LYPD6B: variants seen among roughly 807,000 people sequenced by gnomAD.
LYPD6B encodes the protein LY6/PLAUR domain containing 6B.
LYPD6B carries 17 observed loss-of-function variants against 22.8 expected under a neutral mutation model. The ratio of observed to expected loss-of-function variants is 0.75; its 90% CI spans 0.51 to 1.12. LYPD6B has a LOEUF of 1.12. Ranked by LOEUF, LYPD6B falls within the 50% of genes most tolerant of loss-of-function variation. The probability of loss-of-function intolerance (pLI) is 0.00; values close to 1 mark genes in which losing one functional copy is unlikely to be tolerated. For synonymous variants in LYPD6B, 106 were observed against 91.6 expected (o/e 1.16, Z -0.90); for missense variants, 221 against 258.3 (o/e 0.86, Z 0.99).
At chr2:149,061,721 C>T (rs1459579392) in intron 1 of LYPD6B, among the ~76,000 whole-genome samples, 1 of 152,138 alleles carries the variant, frequency 6.6e-6, no homozygotes, top group African/African-American at 2.4e-5. Flanking sequence ...TGCTGTATGA[C>T]AAACATATCC....
At chr2:149,047,128 G>A (rs933140764) in intron 1 of LYPD6B, among the ~76,000 whole-genome samples, 1 of 152,120 alleles carries the variant, frequency 6.6e-6, no homozygotes. Context: ...AATTTTGTTT[G>A]ATTTTCATTT....
rs776249132 is a variant in LYPD6B at position 149,090,826 on chromosome 2, T to C, written c.-66-40057T>C. On this transcript the variant is annotated intron_variant, in intron 1 of 6. Coordinates refer to ENST00000409642, the MANE Select transcript of LYPD6B (RefSeq NM_177964.5). The stretch of plus-strand genomic sequence containing the variant: ...ACAGATTTCTACTAAGTGACAGGCA[T>C]TGATCATTTTGAAATCACAAGGGTA... Among the ~76,000 whole-genome samples, 3 of 152,184 alleles carry C rather than the reference T, an allele frequency of 2.0e-5. No homozygotes were observed. In the East Asian group the frequency reaches 5.8e-4, roughly 29 times the overall value.
In LYPD6B at chr2:149,214,785, G is replaced by T; in HGVS notation, c.*75G>T. On this transcript the variant is annotated 3_prime_UTR_variant, in exon 7 of 7. Transcript: ENST00000409642. ...AAAACTGTGTGAACGGTGAACTTTGGAGTGAAGATCAATCTTGCACTTGGT... is the reference window on the plus strand; with the variant it reads ...AAAACTGTGTGAACGGTGAACTTTGTAGTGAAGATCAATCTTGCACTTGGT... 6.8e-7 allele frequency: 1 copy of T among 1,477,626 alleles called. No individual in the cohort carries two copies. Among genetic ancestry groups the T allele is most frequent in the South Asian group, 1.2e-5 (1 of 86,246 alleles). The allele number at this position is 1,477,626 out of a possible 1,614,324, so 91.5% of individuals were successfully genotyped here. A position where few individuals can be genotyped will look rare whatever the true frequency, so the allele number is the denominator to read the frequency against.
chr2:149,193,539 A>G (rs570512393), intron 3 of LYPD6B, among the ~76,000 whole-genome samples: 1 of 152,208 alleles, frequency 6.6e-6, no homozygotes, highest in African/African-American at 2.4e-5. Context: ...AGGAAATAAA[A>G]TTGATTAAGA....
At chr2:149,106,787 C>A (rs1040132081) in intron 1 of LYPD6B, among the ~76,000 whole-genome samples, 1 of 151,920 alleles carries the variant, frequency 6.6e-6, no homozygotes, top group Non-Finnish European at 1.5e-5. Flanking sequence ...TTTATTTCTG[C>A]TTTGTCCTTT....
At chr2:149,111,742 A>C (rs1039607463) in intron 1 of LYPD6B, among the ~76,000 whole-genome samples, 2 of 152,140 alleles carry the variant, frequency 1.3e-5, no homozygotes, top group Admixed American at 6.6e-5. Flanking sequence ...TCTGGATGAG[A>C]CCACATAGAA....
intron 1 of LYPD6B, among the ~76,000 whole-genome samples, chr2:149,106,953 C>G (rs957431465): frequency 2.0e-5 from 3 of 151,930 alleles, no homozygotes; most frequent in African/African-American, 7.3e-5. Context: ...TCCAAGGCCC[C>G]CAGTGGATTC....
chr2:149,048,088 T>A (rs1167624214), intron 1 of LYPD6B, among the ~76,000 whole-genome samples: 1 of 152,240 alleles, frequency 6.6e-6, no homozygotes, highest in Admixed American at 6.5e-5. Context: ...TAAAATTCTT[T>A]GTCTGATAGC....
At chr2:149,163,563 C>G (rs1690224808) in intron 3 of LYPD6B, among the ~76,000 whole-genome samples, 2 of 152,162 alleles carry the variant, frequency 1.3e-5, no homozygotes, top group African/African-American at 4.8e-5. Flanking sequence ...AATGTGTTAG[C>G]TTTGTTTATA....
intron 1 of LYPD6B, among the ~76,000 whole-genome samples, chr2:149,093,506 T>C (rs1685763407): frequency 6.6e-6 from 1 of 152,224 alleles, no homozygotes; most frequent in Admixed American, 6.5e-5. Context: ...TGGTTTCTGA[T>C]GATTTTTACG....
chr2:149,198,333 C>T (rs957498834), intron 3 of LYPD6B, among the ~76,000 whole-genome samples: 1 of 152,018 alleles, frequency 6.6e-6, no homozygotes, highest in Non-Finnish European at 1.5e-5. Context: ...TGAGCCACCG[C>T]GCCTCACTGC....
chr2:149,071,858 T>C (rs886952643), intron 1 of LYPD6B, among the ~76,000 whole-genome samples: 2 of 152,150 alleles, frequency 1.3e-5, no homozygotes, highest in African/African-American at 4.8e-5. Context: ...TGGCTTGCAA[T>C]GGGAAGAAGA....
intron 3 of LYPD6B, among the ~76,000 whole-genome samples, chr2:149,193,339 C>T (rs1025129178): frequency 2.0e-5 from 3 of 152,074 alleles, no homozygotes; most frequent in Admixed American, 6.6e-5. Context: ...TTTTTCAAAA[C>T]ACAAGCTAAA....
chr2:149,094,293 G>A (rs1685802648), intron 1 of LYPD6B, among the ~76,000 whole-genome samples: 1 of 152,224 alleles, frequency 6.6e-6, no homozygotes, highest in African/African-American at 2.4e-5. Context: ...ACATAGGAAT[G>A]ATTGAACTCT....
At chr2:149,190,485 ATGT>A (rs1201782469) in intron 3 of LYPD6B, among the ~76,000 whole-genome samples, 1 of 152,162 alleles carries the variant, frequency 6.6e-6, no homozygotes, top group African/African-American at 2.4e-5. Context: ...AATTTTAATA[ATGT>A]TGTCAAATTG....
At chr2:149,136,465 G>A (rs73017034) in intron 2 of LYPD6B, among the ~76,000 whole-genome samples, 1,720 of 152,280 alleles carry the variant, frequency 0.011, 26 homozygotes, top group African/African-American at 0.038. Context: ...CTGTTACAAC[G>A]CCTCATTCCC....
intron 2 of LYPD6B, among the ~76,000 whole-genome samples, chr2:149,136,454 G>A (rs543975940): frequency 1.3e-5 from 2 of 152,310 alleles, no homozygotes; most frequent in South Asian, 2.1e-4. Context: ...TAGGAGATTC[G>A]CTGTTACAAC....
intron 1 of LYPD6B, among the ~76,000 whole-genome samples, chr2:149,112,978 C>G (rs547043048): frequency 1.3e-5 from 2 of 152,108 alleles, no homozygotes; most frequent in East Asian, 3.9e-4. Context: ...AGTTTACTGA[C>G]TTGTTGAACA....
intron 1 of LYPD6B, among the ~76,000 whole-genome samples, chr2:149,060,621 A>C (rs921865808): frequency 2.6e-5 from 4 of 152,138 alleles, no homozygotes; most frequent in Non-Finnish European, 5.9e-5. Flanking sequence ...TTGGGACCCA[A>C]GCTGAGGGCA....
Sources: allele counts gnomAD v4.1 joint callset (sites outside exome capture counted in the v4.1 genomes callset), GRCh38; gene constraint gnomAD v4.1.1; transcripts MANE v1.5; gene names NCBI Gene and HGNC (gene_info 2026-07-23, HGNC 2026-07-21).